GRID2: variants seen among roughly 807,000 people sequenced by gnomAD.
The protein encoded by GRID2 is glutamate ionotropic receptor delta type subunit 2.
A neutral mutation model predicts 114.8 loss-of-function variants in GRID2; 33 were observed. That is an observed-to-expected ratio of 0.29 (90% CI 0.22 to 0.38). The LOEUF (loss-of-function observed/expected upper bound fraction) is 0.38. GRID2 is among the 10% of genes least tolerant of loss of function. The probability of loss-of-function intolerance (pLI) is 1.00; values close to 1 mark genes in which losing one functional copy is unlikely to be tolerated. For missense variants in GRID2, 1,184 were observed against 1,257.7 expected (o/e 0.94, Z 0.89); for synonymous variants, 505 against 449.9 (o/e 1.12, Z -1.55).
chr4:93,078,969 A>G (rs1020936284), intron 2 of GRID2, among the ~76,000 whole-genome samples: 129 of 148,932 alleles, frequency 8.7e-4, no homozygotes, highest in African/African-American at 3.1e-3. Flanking sequence ...ATATAAATAT[A>G]CATAGTAAAT....
intron 1 of GRID2, among the ~76,000 whole-genome samples, chr4:92,546,327 T>C: frequency 6.6e-6 from 1 of 152,170 alleles, no homozygotes; most frequent in Non-Finnish European, 1.5e-5. Context: ...ATCATTTAGA[T>C]TATTTTTCGT....
At chr4:92,952,323 T>C (rs1752097543) in intron 2 of GRID2, among the ~76,000 whole-genome samples, 2 of 152,254 alleles carry the variant, frequency 1.3e-5, no homozygotes, top group Non-Finnish European at 2.9e-5. Context: ...TCATAATATT[T>C]CATTGTGTTC....
chr4:93,240,735 T>A (rs1050087569), intron 8 of GRID2, among the ~76,000 whole-genome samples: 1 of 151,380 alleles, frequency 6.6e-6, no homozygotes, highest in Admixed American at 6.6e-5. Flanking sequence ...CCTTCCAAAT[T>A]AAGGTCTTTT....
At chr4:93,336,784 T>C (rs1317829517) in intron 8 of GRID2, among the ~76,000 whole-genome samples, 1 of 152,238 alleles carries the variant, frequency 6.6e-6, no homozygotes, top group Non-Finnish European at 1.5e-5. Context: ...GTGAAGGTTT[T>C]GTGTATCATT....
chr4:92,552,530 A>C (rs1455224391), intron 1 of GRID2, among the ~76,000 whole-genome samples: 1 of 152,174 alleles, frequency 6.6e-6, no homozygotes, highest in Admixed American at 6.6e-5. Context: ...ATGATGAATT[A>C]GTAAAATCCA....
At chr4:93,685,254 A>G (rs1725971595) in intron 14 of GRID2, among the ~76,000 whole-genome samples, 1 of 152,056 alleles carries the variant, frequency 6.6e-6, no homozygotes, top group Non-Finnish European at 1.5e-5. Flanking sequence ...TCTGAGGACA[A>G]TCTCAAAACC....
At chr4:92,450,148 T>A (rs1720826868) in intron 1 of GRID2, among the ~76,000 whole-genome samples, 1 of 152,062 alleles carries the variant, frequency 6.6e-6, no homozygotes, top group African/African-American at 2.4e-5. Context: ...GTTTTAGTCA[T>A]TAAAAACAAA....
In GRID2 at chr4:92,736,004, C is replaced by T. The variant is rs186764550; in HGVS notation, c.244+145718C>T. 8.5e-5 allele frequency among the ~76,000 whole-genome samples: 13 copies of T among 152,192 alleles called. No homozygotes were observed. The East Asian group carries it at 2.3e-3, about 27-fold the overall frequency. ...GACAGAAAAAGCCCCCCCAAAGATA[C>T]CCACTTTCTAATCTCTGGAACCTGC... On this transcript the variant is annotated intron_variant, in intron 2 of 15. Coordinates refer to ENST00000282020, the MANE Select transcript of GRID2 (RefSeq NM_001510.4).
At chr4:92,721,707 A>G (rs535581417) in intron 2 of GRID2, among the ~76,000 whole-genome samples, 2 of 152,204 alleles carry the variant, frequency 1.3e-5, no homozygotes, top group Non-Finnish European at 2.9e-5. Context: ...TTCTGTAAAT[A>G]TTTTGTGGCT....
chr4:93,445,691 C>T (rs1380439221), intron 10 of GRID2, among the ~76,000 whole-genome samples: 1 of 151,904 alleles, frequency 6.6e-6, no homozygotes, highest in Admixed American at 6.6e-5. Flanking sequence ...AAATGAATAA[C>T]ATTATAAGTA....
chr4:92,968,802 G>A (rs1238139566), intron 2 of GRID2, among the ~76,000 whole-genome samples: 1 of 151,664 alleles, frequency 6.6e-6, no homozygotes, highest in East Asian at 1.9e-4. Flanking sequence ...TCTCTATTAT[G>A]TATTTGTGGT....
At chr4:93,495,970 G>A (rs1050038959) in intron 12 of GRID2, among the ~76,000 whole-genome samples, 5 of 151,776 alleles carry the variant, frequency 3.3e-5, no homozygotes, top group African/African-American at 9.7e-5. Context: ...ACTCTGTTTA[G>A]GCTGCGTTTC....
chr4:92,441,889 G>A lies in GRID2; in HGVS notation c.88+137145G>A, dbSNP rs939041934. 5.3e-5 allele frequency among the ~76,000 whole-genome samples: 8 copies of A among 151,762 alleles called. No homozygotes were observed. In the East Asian group the frequency reaches 5.9e-4, roughly 11 times the overall value. Reference sequence around the variant, plus strand: ...AGGGAGGCAATGAGATACAGCTGTAGTCCAGGAATAGTCAGGGAAGCAGAT... The same window carrying A: ...AGGGAGGCAATGAGATACAGCTGTAATCCAGGAATAGTCAGGGAAGCAGAT... On this transcript the variant is annotated intron_variant, in intron 1 of 15. Coordinates refer to ENST00000282020, the MANE Select transcript of GRID2 (RefSeq NM_001510.4).
intron 8 of GRID2, among the ~76,000 whole-genome samples, chr4:93,332,287 T>C (rs1281301341): frequency 8.4e-6 from 1 of 119,340 alleles, no homozygotes; most frequent in African/African-American, 4.1e-5. Context: ...TGTGTGTGTG[T>C]GTGTGTGTGT....
intron 9 of GRID2, among the ~76,000 whole-genome samples, chr4:93,409,835 A>T (rs1766931857): frequency 6.6e-6 from 1 of 152,182 alleles, no homozygotes; most frequent in African/African-American, 2.4e-5. Context: ...TTCCTCTTGG[A>T]AGCTGGAAAC....
At chr4:92,863,102 T>G (rs1278547693) in intron 2 of GRID2, among the ~76,000 whole-genome samples, 1 of 152,148 alleles carries the variant, frequency 6.6e-6, no homozygotes, top group African/African-American at 2.4e-5. Flanking sequence ...AGTTATGCGT[T>G]GTGCAGAACT....
chr4:92,394,857 A>G (rs766693703), intron 1 of GRID2, among the ~76,000 whole-genome samples: 16 of 151,706 alleles, frequency 1.1e-4, no homozygotes, highest in Non-Finnish European at 2.1e-4. Context: ...CTATACTAAA[A>G]TTTAGTTTCC....
intron 4 of GRID2, chr4:93,111,980 A>G (rs550525813): frequency 6.6e-6 from 1 of 152,156 alleles, no homozygotes; most frequent in Non-Finnish European, 1.5e-5. Flanking sequence ...TATGCAGTTT[A>G]AAGACAAATT....
intron 2 of GRID2, among the ~76,000 whole-genome samples, chr4:92,847,509 C>T (rs1578297799): frequency 6.6e-6 from 1 of 152,166 alleles, no homozygotes; most frequent in East Asian, 1.9e-4. Context: ...TCCTAGGCTG[C>T]ATTTGTGCCT....
Sources: allele counts gnomAD v4.1 joint callset (sites outside exome capture counted in the v4.1 genomes callset), GRCh38; gene constraint gnomAD v4.1.1; transcripts MANE v1.5; gene names NCBI Gene and HGNC (gene_info 2026-07-23, HGNC 2026-07-21).